Variants in ERC2 observed in about 807,000 individuals in gnomAD.
ERC2 encodes ERC protein 2.
ERC2 carries 42 observed loss-of-function variants against 114.8 expected under a neutral mutation model. The ratio of observed to expected loss-of-function variants is 0.37; its 90% confidence interval spans 0.29 to 0.47. The LOEUF is 0.47. Ranked by LOEUF, ERC2 falls within the 20% of genes least tolerant of loss-of-function variation. The probability of loss-of-function intolerance (pLI) is 0.99; values close to 1 mark genes in which losing one functional copy is unlikely to be tolerated. For synonymous variants in ERC2, 454 were observed against 425.5 expected, an observed-to-expected ratio of 1.07 and a Z score of -0.82; for missense variants, 939 against 1,150.7, an observed-to-expected ratio of 0.82 and a Z score of 2.66.
At position 56,139,650 on chromosome 3, in the gene ERC2, T is replaced by C. The variant is rs1214610374; in HGVS notation, c.1332A>G (p.Ser444=). 2 of 1,606,710 alleles carry C rather than the reference T, an allele frequency of 1.2e-6. No individual in the cohort carries two copies. The highest frequency in any genetic ancestry group is 1.7e-6 in the Non-Finnish European group (2 of 1,176,138). Residue 444 remains serine (S), a synonymous_variant, in exon 6 of 18, where the codon TCA becomes TCG. Transcript: ENST00000288221. ...AGGCAAGAAGTTCCGACTCTTTCTT[T>C]GAAAGTTCCTGCTTCAGCTGATCAA... ...TKIDQLKQEL[S]KKESELLALQ...
chr3:56,080,866 T>A lies in ERC2; in HGVS notation c.1592A>T (p.Lys531Ile). ...GTLAGEIRDM[K>I]DMLEVKERKI... ...TCTTTCCTTCACTTCTAACATATCT[T>A]TCATGTCACGAATTTCACCGGCCAG... is the stretch of plus-strand genomic sequence containing the variant. The change falls in exon 7 of 18, where the codon AAA becomes ATA. Residue 531 changes from lysine to isoleucine, a missense_variant. By Grantham distance (102) the Lys-to-Ile change is moderately radical. This residue lies in a region of ERC2 where 149 missense variants were observed against 254.6 expected (regional missense o/e 0.59). Coordinates refer to ENST00000288221, the MANE Select transcript of ERC2 (RefSeq NM_015576.3). The A allele has an allele frequency of 1.2e-6, 2 of 1,613,812 alleles. No homozygotes were observed. Among genetic ancestry groups the A allele is most frequent in the Non-Finnish European group, 1.7e-6 (2 of 1,179,758 alleles).
intron 6 of ERC2, among the ~76,000 whole-genome samples, chr3:56,097,377 T>C (rs1479126520): frequency 6.6e-6 from 1 of 151,982 alleles, no homozygotes; most frequent in Admixed American, 6.6e-5. Flanking sequence ...AGAGCAACAA[T>C]CATCCCTTTG....
In ERC2 at chr3:55,515,017, G is replaced by C. The variant is rs62249158; in HGVS notation, c.*40-3741C>G. On this transcript the variant is annotated intron_variant, in intron 17 of 17. Transcript: ENST00000288221. Reference sequence around the variant, plus strand: ...CAAGGTCCATGCTTTCATGGAGCCTGTATTCTTGGGAGGAAGACAGAAACA... The same window carrying C: ...CAAGGTCCATGCTTTCATGGAGCCTCTATTCTTGGGAGGAAGACAGAAACA... Among the ~76,000 whole-genome samples, 944 of 152,336 alleles carry C rather than the reference G, an allele frequency of 6.2e-3. 5 individuals are homozygous for C. Among genetic ancestry groups the C allele is most frequent in the Non-Finnish European group, 7.4e-3 (505 of 68,032 alleles).
chr3:56,361,036 A>G (rs763051252), intron 2 of ERC2, among the ~76,000 whole-genome samples: 1 of 152,190 alleles, frequency 6.6e-6, no homozygotes, highest in African/African-American at 2.4e-5. Flanking sequence ...CGCATGTTGA[A>G]GGTGGTAAGG....
intron 17 of ERC2, among the ~76,000 whole-genome samples, chr3:55,639,091 C>T (rs1245618401): frequency 6.6e-6 from 1 of 152,194 alleles, no homozygotes; most frequent in African/African-American, 2.4e-5. Flanking sequence ...CTATCTAACT[C>T]TGCATATGTG....
At chr3:55,774,256 T>C (rs2149033400) in intron 14 of ERC2, among the ~76,000 whole-genome samples, 1 of 152,086 alleles carries the variant, frequency 6.6e-6, no homozygotes, top group East Asian at 1.9e-4. Context: ...GGAAGAAAGC[T>C]CATGGGATCT....
Position 55,561,884 on chromosome 3 carries a change from C to G in ERC2, c.*40-50608G>C, listed in dbSNP as rs79689502. ...GAACCTAAGCCAGCCCAATGAGAGT[C>G]TGCCCTGAATTTTCACTGGAACCAT... On this transcript the variant is annotated intron_variant, in intron 17 of 17. Coordinates refer to ENST00000288221, the MANE Select transcript of ERC2 (RefSeq NM_015576.3). Among the ~76,000 whole-genome samples, 11 of 152,260 alleles carry G rather than the reference C, an allele frequency of 7.2e-5. No individual in the cohort carries two copies. The East Asian group carries it at 1.7e-3, about 24-fold the overall frequency.
chr3:56,038,936 G>A (rs2074971520), intron 7 of ERC2, among the ~76,000 whole-genome samples: 1 of 152,198 alleles, frequency 6.6e-6, no homozygotes, highest in Non-Finnish European at 1.5e-5. Context: ...CCTGTGGTAG[G>A]TGGTGGGGGT....
intron 7 of ERC2, among the ~76,000 whole-genome samples, chr3:56,035,079 A>G (rs1021978686): frequency 6.6e-6 from 1 of 152,110 alleles, no homozygotes; most frequent in Non-Finnish European, 1.5e-5. Flanking sequence ...ACCTTTAGCT[A>G]GACTAATAAA....
Position 56,082,205 on chromosome 3 carries a change from AT to A in ERC2, c.1474-1222del, listed in dbSNP as rs1392279123. ...GAAATCAAATCCCCAATACAATAAT[AT>A]TAAAAGGTGGGGCCTTTAGGAGGTG... On this transcript the variant is annotated intron_variant, in intron 6 of 17. Transcript: ENST00000288221. 5.1e-4 allele frequency among the ~76,000 whole-genome samples: 77 copies of A among 152,188 alleles called. 1 individual carries two copies. Among genetic ancestry groups the A allele is most frequent in the Non-Finnish European group, 1.8e-4 (12 of 68,030 alleles).
chr3:56,330,134 A>G (rs1404528907), intron 2 of ERC2, among the ~76,000 whole-genome samples: 1 of 152,026 alleles, frequency 6.6e-6, no homozygotes, highest in Non-Finnish European at 1.5e-5. Context: ...CCCAGGCTCA[A>G]TTGATTGTCA....
chr3:55,863,059 G>A (rs894921169), intron 14 of ERC2, among the ~76,000 whole-genome samples: 6 of 151,992 alleles, frequency 3.9e-5, no homozygotes, highest in Middle Eastern at 6.3e-3. Flanking sequence ...GGCACCCCAG[G>A]ATTCACTTAA....
intron 7 of ERC2, among the ~76,000 whole-genome samples, chr3:56,036,788 C>A (rs1387394821): frequency 1.3e-5 from 2 of 152,258 alleles, no homozygotes; most frequent in South Asian, 4.1e-4. Flanking sequence ...CCCTCATGAG[C>A]CCATGCCACC....
At chr3:56,428,068 G>T (rs765251576) in intron 2 of ERC2, among the ~76,000 whole-genome samples, 4 of 152,144 alleles carry the variant, frequency 2.6e-5, no homozygotes, top group African/African-American at 7.2e-5. Context: ...AAAAAAAGGA[G>T]CCTGGAAGAA....
At chr3:56,252,930 A>C (rs1459639682) in intron 3 of ERC2, among the ~76,000 whole-genome samples, 3 of 152,158 alleles carry the variant, frequency 2.0e-5, no homozygotes, top group Non-Finnish European at 4.4e-5. Flanking sequence ...TTAAAAATAC[A>C]ACTGTGGGCA....
At chr3:55,702,474 T>C (rs2063275771) in intron 15 of ERC2, among the ~76,000 whole-genome samples, 1 of 152,202 alleles carries the variant, frequency 6.6e-6, no homozygotes, top group Admixed American at 6.5e-5. Context: ...TGGTGTTCTC[T>C]CCTATAAAAA....
intron 4 of ERC2, among the ~76,000 whole-genome samples, chr3:56,169,481 C>A (rs372389337): frequency 6.6e-6 from 1 of 152,258 alleles, no homozygotes; most frequent in East Asian, 1.9e-4. Context: ...ATTCTCCCTG[C>A]CCTTCCATTT....
At chr3:56,378,571 T>TA (rs11316031) in intron 2 of ERC2, among the ~76,000 whole-genome samples, 241 of 133,994 alleles carry the variant, frequency 1.8e-3, no homozygotes, top group Middle Eastern at 4.0e-3. Context: ...TAAAGTATAA[T>TA]AAAAAAAAAA....
At chr3:55,794,724 T>A (rs2070338944) in intron 14 of ERC2, among the ~76,000 whole-genome samples, 1 of 152,208 alleles carries the variant, frequency 6.6e-6, no homozygotes, top group Non-Finnish European at 1.5e-5. Flanking sequence ...TGCTTATGGA[T>A]CATTTCTTTG....
Sources: allele counts gnomAD v4.1 joint callset (sites outside exome capture counted in the v4.1 genomes callset), GRCh38; gene constraint gnomAD v4.1.1; regional missense constraint gnomAD v4.1.1; transcripts MANE v1.5; gene names NCBI Gene and HGNC (gene_info 2026-07-23, HGNC 2026-07-21).